Variants in TFPI observed in about 807,000 individuals in gnomAD.
TFPI encodes the protein anti-convertin.
TFPI carries 15 observed loss-of-function variants against 34.6 expected under a neutral mutation model. That is an observed-to-expected ratio of 0.43 (90% CI 0.29 to 0.67). TFPI has a LOEUF of 0.67. Among genes scored for constraint, TFPI ranks in the 30% least tolerant of loss-of-function variants. The pLI, the probability that TFPI is intolerant of heterozygous loss-of-function variation, is 0.15. For synonymous variants in TFPI, 105 were observed against 120.1 expected, an observed-to-expected ratio of 0.87 and a Z score of 0.82; for missense variants, 301 against 364.0, an observed-to-expected ratio of 0.83 and a Z score of 1.41.
chr2:187,553,929 C>T (rs1396532110), intron 1 of TFPI, among the ~76,000 whole-genome samples: 1 of 152,124 alleles, frequency 6.6e-6, no homozygotes, highest in African/African-American at 2.4e-5. Context: ...AAGCTACATA[C>T]ACCAATTAGT....
Position 187,496,810 on chromosome 2 carries a change from A to T in TFPI, c.319+71T>A. ...CAGCATGAAATTACTTTTCTCCCTAAATTATCAAATCCATAATTAGACTCA... is the reference window on the plus strand; with the variant it reads ...CAGCATGAAATTACTTTTCTCCCTATATTATCAAATCCATAATTAGACTCA... On this transcript the variant is annotated intron_variant, in intron 3 of 7. Coordinates refer to ENST00000233156, the MANE Select transcript of TFPI (RefSeq NM_006287.6). 5.1e-6 allele frequency: 7 copies of T among 1,372,568 alleles called. No individual in the cohort carries two copies. In the South Asian group the frequency reaches 9.4e-5, roughly 18 times the overall value. The allele number at this position is 1,372,568 out of a possible 1,614,324, so 85.0% of individuals were successfully genotyped here.
At chr2:187,553,139 G>A (rs909895979) in intron 1 of TFPI, among the ~76,000 whole-genome samples, 1 of 151,836 alleles carries the variant, frequency 6.6e-6, no homozygotes, top group Non-Finnish European at 1.5e-5. Flanking sequence ...GGGAGATTTT[G>A]CCTCCCTAAC....
intron 1 of TFPI, among the ~76,000 whole-genome samples, chr2:187,550,577 G>A (rs937118185): frequency 2.6e-5 from 4 of 152,044 alleles, no homozygotes; most frequent in Non-Finnish European, 5.9e-5. Flanking sequence ...TACTAGGGAT[G>A]CAAAGAACAG....
chr2:187,472,516 T>A (rs1692104700), intron 6 of TFPI, among the ~76,000 whole-genome samples: 1 of 152,192 alleles, frequency 6.6e-6, no homozygotes, highest in Non-Finnish European at 1.5e-5. Flanking sequence ...CTAAACCATT[T>A]AGCAAACCAT....
intron 1 of TFPI, chr2:187,544,378 T>A (rs1436092151): frequency 6.6e-6 from 1 of 152,130 alleles, no homozygotes; most frequent in Non-Finnish European, 1.5e-5. Context: ...TTAAAGTGTA[T>A]AATATTTACA....
Position 187,484,448 on chromosome 2 carries a change from A to G in TFPI, c.536-232T>C, listed in dbSNP as rs542782700. On this transcript the variant is annotated intron_variant, in intron 5 of 7. Transcript: ENST00000233156. ...AGTTAATGTTTAAGTCATCCCTTTAATAAATGTTATAGGCAGATAAAACTG... is the reference window on the plus strand; with the variant it reads ...AGTTAATGTTTAAGTCATCCCTTTAGTAAATGTTATAGGCAGATAAAACTG... 2.8e-5 allele frequency: 15 copies of G among 534,512 alleles called. No individual in the cohort carries two copies. The South Asian group carries it at 4.1e-4, about 15-fold the overall frequency. The allele number at this position is 534,512 out of a possible 1,614,324, so 33.1% of individuals were successfully genotyped here.
chr2:187,529,450 G>T (rs955242878), intron 1 of TFPI: 3 of 152,284 alleles, frequency 2.0e-5, no homozygotes, highest in African/African-American at 7.2e-5. Flanking sequence ...AATGGTGGCT[G>T]CTTTCTCCCT....
chr2:187,503,723 A>C lies in TFPI; in HGVS notation c.46T>G (p.Cys16Gly). ...GCAGGGGCAAGATTAAGCAGCAGGC[A>C]TACAGAAGCCCAAAGTGCATGTACT... ...KKVHALWASV[C>G]LLLNLAPAPL... is the part of the protein sequence containing the mutation. The change falls in exon 2 of 8, where the codon TGC (cysteine) becomes GGC (glycine). Residue 16 changes from cysteine to glycine, a missense_variant. Physicochemically the swap from Cys to Gly is radical, Grantham distance 159. Coordinates refer to ENST00000233156, the MANE Select transcript of TFPI (RefSeq NM_006287.6). 1 of 1,613,256 alleles carries C rather than the reference A, an allele frequency of 6.2e-7. No individual in the cohort carries two copies. Among genetic ancestry groups the C allele is most frequent in the Non-Finnish European group, 8.5e-7 (1 of 1,179,406 alleles).
chr2:187,528,178 A>G (rs1374031060), intron 1 of TFPI, among the ~76,000 whole-genome samples: 1 of 152,146 alleles, frequency 6.6e-6, no homozygotes, highest in African/African-American at 2.4e-5. Flanking sequence ...TCTGGGTTTC[A>G]GCCCAAACCC....
chr2:187,541,973 G>A (rs1381733493), intron 1 of TFPI, among the ~76,000 whole-genome samples: 1 of 152,148 alleles, frequency 6.6e-6, no homozygotes, highest in African/African-American at 2.4e-5. Flanking sequence ...TAATGACAAT[G>A]GCATCACAAG....
intron 2 of TFPI, among the ~76,000 whole-genome samples, chr2:187,501,373 C>G (rs1685841961): frequency 2.0e-5 from 3 of 147,176 alleles, no homozygotes; most frequent in South Asian, 4.4e-4. Flanking sequence ...ATATCATGCC[C>G]TTGACTGTAA....
At chr2:187,473,671 C>G (rs1692189084) in intron 6 of TFPI, among the ~76,000 whole-genome samples, 1 of 151,772 alleles carries the variant, frequency 6.6e-6, no homozygotes, top group East Asian at 1.9e-4. Context: ...ACTTGTCCCT[C>G]TCTCTGTAAA....
intron 6 of TFPI, among the ~76,000 whole-genome samples, chr2:187,475,556 A>G (rs998087799): frequency 2.0e-5 from 3 of 152,188 alleles, no homozygotes; most frequent in Non-Finnish European, 4.4e-5. Context: ...GTGCTCAACA[A>G]CTGGGTTAAG....
intron 1 of TFPI, chr2:187,526,707 A>G (rs1687696754): frequency 1.3e-5 from 2 of 152,166 alleles, no homozygotes; most frequent in Admixed American, 1.3e-4. Context: ...TTTCTAGTTC[A>G]GATTTTTCTC....
At chr2:187,513,137 G>C (rs1191324229) in intron 1 of TFPI, among the ~76,000 whole-genome samples, 1 of 152,100 alleles carries the variant, frequency 6.6e-6, no homozygotes, top group Non-Finnish European at 1.5e-5. Context: ...TCTTTTGAAG[G>C]CTTAAGCAAG....
At chr2:187,540,135 T>A (rs1182596825) in intron 1 of TFPI, among the ~76,000 whole-genome samples, 1 of 152,086 alleles carries the variant, frequency 6.6e-6, no homozygotes, top group Admixed American at 6.5e-5. Flanking sequence ...ACTCCTGAGC[T>A]CAGGCAATCC....
chr2:187,478,669 A>T (rs1401550625), intron 6 of TFPI: 9 of 1,611,810 alleles, frequency 5.6e-6, no homozygotes, highest in Admixed American at 1.7e-5. Flanking sequence ...TGCCAAAAGC[A>T]CAAATATTAA....
In TFPI at chr2:187,540,310, T is replaced by G. The variant is rs558790420; in HGVS notation, c.-3+13890A>C. On this transcript the variant is annotated intron_variant, in intron 1 of 7. Coordinates refer to ENST00000233156, the MANE Select transcript of TFPI (RefSeq NM_006287.6). ...ATTGCAAAATAAGATGGAAAAAACA[T>G]AGTGTGTCAATAAATCATATCATAC... Among the ~76,000 whole-genome samples, 428 of 152,226 alleles carry G rather than the reference T, an allele frequency of 2.8e-3. 2 individuals carry two copies. Among genetic ancestry groups the G allele is most frequent in the Non-Finnish European group, 4.5e-3 (304 of 68,002 alleles).
chr2:187,536,763 G>C (rs1056403643), intron 1 of TFPI, among the ~76,000 whole-genome samples: 1 of 62,536 alleles, frequency 1.6e-5, no homozygotes, highest in Non-Finnish European at 5.3e-5. Flanking sequence ...AGAAATAAAG[G>C]GTATTCAAAT....
Sources: allele counts gnomAD v4.1 joint callset (sites outside exome capture counted in the v4.1 genomes callset), GRCh38; gene constraint gnomAD v4.1.1; transcripts MANE v1.5; gene names NCBI Gene and HGNC (gene_info 2026-07-23, HGNC 2026-07-21).